KCNN2: variants seen among roughly 807,000 people sequenced by gnomAD.
KCNN2 encodes small conductance calcium-activated potassium channel protein 2.
In KCNN2, 24 loss-of-function variants were observed where a neutral mutation model predicts 55.5. The ratio of observed to expected loss-of-function variants is 0.43; its 90% CI spans 0.31 to 0.61. The LOEUF is 0.61. Among genes scored for constraint, KCNN2 ranks in the 20% least tolerant of loss-of-function variants. KCNN2 has a pLI of 0.08. For missense variants in KCNN2, 754 were observed against 853.6 expected, an observed-to-expected ratio of 0.88 and a Z score of 1.45; for synonymous variants, 431 against 336.1, an observed-to-expected ratio of 1.28 and a Z score of -3.09.
At chr5:114,443,810 G>A (rs1362064503) in intron 3 of KCNN2, among the ~76,000 whole-genome samples, 1 of 152,194 alleles carries the variant, frequency 6.6e-6, no homozygotes, top group East Asian at 1.9e-4. Flanking sequence ...CAGCCTGAAC[G>A]TGTGTTTGGA....
intron 1 of KCNN2, among the ~76,000 whole-genome samples, chr5:114,084,305 A>G (rs1387775281): frequency 6.6e-6 from 1 of 152,074 alleles, no homozygotes; most frequent in Non-Finnish European, 1.5e-5. Flanking sequence ...CCAACAATGA[A>G]GTTCTCATTG....
intron 2 of KCNN2, among the ~76,000 whole-genome samples, chr5:114,234,898 TTA>T (rs1184029604): frequency 6.6e-6 from 1 of 152,192 alleles, no homozygotes; most frequent in Non-Finnish European, 1.5e-5. Flanking sequence ...TCAGTATGTG[TTA>T]TGAGTTAGAG....
At chr5:114,378,061 A>T (rs1457237097) in intron 2 of KCNN2, among the ~76,000 whole-genome samples, 1 of 152,230 alleles carries the variant, frequency 6.6e-6, no homozygotes, top group Non-Finnish European at 1.5e-5. Context: ...AGTTCTCGTA[A>T]GAGGGACATT....
intron 2 of KCNN2, among the ~76,000 whole-genome samples, chr5:114,371,467 G>C (rs1267029515): frequency 6.6e-6 from 1 of 152,090 alleles, no homozygotes; most frequent in Non-Finnish European, 1.5e-5. Flanking sequence ...TAAGAGATAG[G>C]AGTGTTTTAA....
chr5:114,260,073 T>C (rs764865778), intron 2 of KCNN2, among the ~76,000 whole-genome samples: 2 of 152,172 alleles, frequency 1.3e-5, no homozygotes, highest in African/African-American at 2.4e-5. Flanking sequence ...CCTCAAAAAT[T>C]ATCTTTACAC....
intron 3 of KCNN2, among the ~76,000 whole-genome samples, chr5:114,423,550 C>A (rs1169730138): frequency 1.3e-5 from 2 of 152,048 alleles, no homozygotes; most frequent in African/African-American, 4.8e-5. Context: ...GCAAACAGGT[C>A]CAGGGGCAGC....
intron 1 of KCNN2, among the ~76,000 whole-genome samples, chr5:114,110,705 C>G (rs994954672): frequency 6.6e-6 from 1 of 151,958 alleles, no homozygotes; most frequent in Non-Finnish European, 1.5e-5. Flanking sequence ...ATGCCTCGTG[C>G]CTTAGTTTGG....
chr5:114,252,016 T>C (rs1350794004), intron 2 of KCNN2, among the ~76,000 whole-genome samples: 1 of 151,514 alleles, frequency 6.6e-6, no homozygotes, highest in East Asian at 1.9e-4. Context: ...GCAGCTGGGA[T>C]TATAGGCATG....
intron 2 of KCNN2, among the ~76,000 whole-genome samples, chr5:114,247,717 A>T (rs1236828531): frequency 6.6e-6 from 1 of 152,142 alleles, no homozygotes; most frequent in African/African-American, 2.4e-5. Context: ...CTTAGATTTA[A>T]TGAAACAAGA....
At chr5:114,329,178 T>C (rs531709219) in intron 2 of KCNN2, among the ~76,000 whole-genome samples, 5 of 152,328 alleles carry the variant, frequency 3.3e-5, no homozygotes, top group African/African-American at 1.2e-4. Context: ...ATTACACTCA[T>C]CAGCTGATGA....
At chr5:114,420,980 T>C (rs577821123) in intron 3 of KCNN2, among the ~76,000 whole-genome samples, 20 of 152,268 alleles carry the variant, frequency 1.3e-4, no homozygotes, top group Non-Finnish European at 2.2e-4. Flanking sequence ...TTTAAGACAG[T>C]TTGGGATATG....
At chr5:114,202,986 G>T (rs994176996) in intron 1 of KCNN2, among the ~76,000 whole-genome samples, 1 of 152,122 alleles carries the variant, frequency 6.6e-6, no homozygotes, top group African/African-American at 2.4e-5. Context: ...AGCTCTAATA[G>T]GGTCCAAACT....
chr5:114,243,487 C>A (rs113750471), intron 2 of KCNN2, among the ~76,000 whole-genome samples: 836 of 1,758 alleles, frequency 0.48, 5 homozygotes, highest in African/African-American at 0.5. Context: ...CTTTGTCCAG[C>A]GTATCCACAC....
At chr5:114,281,320 G>A (rs921032731) in intron 2 of KCNN2, among the ~76,000 whole-genome samples, 4 of 152,012 alleles carry the variant, frequency 2.6e-5, no homozygotes, top group African/African-American at 9.7e-5. Context: ...ACTATTTTTA[G>A]GATGAATAAA....
At chr5:114,362,053 C>G (rs1030367788), upstream of KCNN2, 4 of 153,612 alleles carry the variant, frequency 2.6e-5, no homozygotes, top group East Asian at 1.9e-4. Flanking sequence ...TTCCTCGCAC[C>G]AGCAGCAGGA....
rs555493226 is a variant in KCNN2, at chr5:114,127,333, G to C, written c.-271+70833G>C. Among the ~76,000 whole-genome samples, 23 of 152,252 alleles carry C rather than the reference G, an allele frequency of 1.5e-4. No individual in the cohort carries two copies. In the South Asian group the frequency reaches 3.7e-3, roughly 25 times the overall value. ...TCTGCCTGAACATGCAGGCGTTTCCGTACATCCTGAGAAATCTAAGTGGAG... is the reference window on the plus strand; with the variant it reads ...TCTGCCTGAACATGCAGGCGTTTCCCTACATCCTGAGAAATCTAAGTGGAG... On this transcript the variant is annotated intron_variant, in intron 1 of 10. Transcript: ENST00000512097.
At chr5:114,101,685 T>G (rs891330217) in intron 1 of KCNN2, among the ~76,000 whole-genome samples, 1 of 151,908 alleles carries the variant, frequency 6.6e-6, no homozygotes, top group African/African-American at 2.4e-5. Context: ...ACATGTGGTG[T>G]TTGGTTTTCT....
intron 1 of KCNN2, among the ~76,000 whole-genome samples, chr5:114,096,452 A>G (rs1561473743): frequency 6.6e-6 from 1 of 152,120 alleles, no homozygotes; most frequent in East Asian, 1.9e-4. Context: ...TGCACTATCT[A>G]GATAGTGAAG....
At chr5:114,189,755 G>A (rs906384037) in intron 1 of KCNN2, among the ~76,000 whole-genome samples, 13 of 152,062 alleles carry the variant, frequency 8.5e-5, no homozygotes, top group South Asian at 6.2e-4. Flanking sequence ...GAACTTAAAC[G>A]TCTATAGTAG....
Sources: gnomAD v4.1 joint callset for allele counts (sites outside exome capture counted in the v4.1 genomes callset) on GRCh38, gnomAD v4.1.1 for gene constraint, MANE v1.5 for transcripts, NCBI Gene and HGNC (gene_info 2026-07-23, HGNC 2026-07-21) for gene names.